The following IGF1R variants were observed in gnomAD, a reference collection of about 807,000 sequenced individuals.
IGF1R encodes the protein insulin like growth factor 1 receptor.
Under a neutral mutation model 144.6 loss-of-function variants are expected in IGF1R, and 44 were observed. That is an observed-to-expected ratio of 0.30 (90% CI 0.24 to 0.39). The LOEUF is 0.39. IGF1R is among the 10% of genes least tolerant of loss of function. The pLI, the probability that IGF1R is intolerant of heterozygous loss-of-function variation, is 1.00. For synonymous variants in IGF1R, 795 were observed against 722.8 expected (o/e 1.10, Z -1.60); for missense variants, 1,355 against 1,833.7 (o/e 0.74, Z 4.77).
At chr15:98,701,848 A>G (rs2053741108) in intron 1 of IGF1R, among the ~76,000 whole-genome samples, 1 of 152,216 alleles carries the variant, frequency 6.6e-6, no homozygotes, top group African/African-American at 2.4e-5. Flanking sequence ...ACTTAATAAC[A>G]GCTGCTAAAA....
At chr15:98,831,678 A>G (rs1480138955) in intron 2 of IGF1R, among the ~76,000 whole-genome samples, 1 of 152,240 alleles carries the variant, frequency 6.6e-6, no homozygotes, top group African/African-American at 2.4e-5. Flanking sequence ...TGATCCTTAA[A>G]TGCTTTATTT....
chr15:98,698,341 C>G (rs1377130987), intron 1 of IGF1R, among the ~76,000 whole-genome samples: 1 of 152,198 alleles, frequency 6.6e-6, no homozygotes, highest in Non-Finnish European at 1.5e-5. Flanking sequence ...CCACCGGCCT[C>G]CCATCTTAAC....
chr15:98,711,707 C>G lies in IGF1R; in HGVS notation c.640+3600C>G, dbSNP rs187141438. 4.5e-3 allele frequency among the ~76,000 whole-genome samples: 683 copies of G among 152,290 alleles called. 6 individuals are homozygous for G. Among genetic ancestry groups the G allele is most frequent in the African/African-American group, 0.014 (586 of 41,544 alleles). ...CCTCTTATGAGTCTCTTCCTACCCC[C>G]ACAGGTGCCGCTTCTCTGTCTCCCT... is the stretch of plus-strand genomic sequence containing the variant. On this transcript the variant is annotated intron_variant, in intron 2 of 20. Transcript: ENST00000650285.
intron 1 of IGF1R, among the ~76,000 whole-genome samples, chr15:98,702,152 A>G (rs139534391): frequency 6.6e-6 from 1 of 150,508 alleles, no homozygotes; most frequent in Non-Finnish European, 1.5e-5. Context: ...TTCTCAGCCA[A>G]ATGCTTTTCT....
intron 6 of IGF1R, 29 bp downstream of exon 6, chr15:98,908,928 G>T: frequency 6.3e-7 from 1 of 1,590,706 alleles, no homozygotes. Context: ...AACACCGTGG[G>T]CCCAACCATC....
At chr15:98,675,826 CTTTTTTTTT>C (rs869068918) in intron 1 of IGF1R, among the ~76,000 whole-genome samples, 2 of 46,150 alleles carry the variant, frequency 4.3e-5, no homozygotes, top group African/African-American at 4.8e-5. Flanking sequence ...TTCTTTCTTT[CTTTTTTTTT>C]TTTTTTTTTT....
chr15:98,867,160 A>G (rs773675187), intron 2 of IGF1R, among the ~76,000 whole-genome samples: 8 of 112,072 alleles, frequency 7.1e-5, no homozygotes, highest in Non-Finnish European at 1.4e-4. Context: ...AGGGGGAGAG[A>G]GAGAGAGAGA....
chr15:98,882,854 C>T (rs532201617), intron 2 of IGF1R, among the ~76,000 whole-genome samples: 9 of 152,276 alleles, frequency 5.9e-5, no homozygotes, highest in African/African-American at 2.2e-4. Context: ...AAAATGAGAG[C>T]TTTCAGGCCT....
At chr15:98,651,083 T>C (rs2052352346) in intron 1 of IGF1R, 2 of 984,780 alleles carry the variant, frequency 2.0e-6, no homozygotes, top group African/African-American at 3.5e-5. Flanking sequence ...GGCGTGTTGG[T>C]GAGTAATGGT....
chr15:98,707,349 G>C lies in IGF1R; in HGVS notation c.95-213G>C, dbSNP rs111262619. Among the ~76,000 whole-genome samples, 1 of 152,154 alleles carries C rather than the reference G, an allele frequency of 6.6e-6. No homozygotes were observed. Among genetic ancestry groups the C allele is most frequent in the African/African-American group, 2.4e-5 (1 of 41,422 alleles). On this transcript the variant is annotated intron_variant, in intron 1 of 20. Transcript: ENST00000650285. The surrounding 1 kb of genome is among the most constrained non-coding windows in gnomAD (Gnocchi z 6.7). ...GGTCGGTTGGAGTGTGTTGCACAGC[G>C]TCTGGTCCAGTGTTGGCACTGTATA...
Position 98,960,160 on chromosome 15 carries a change from C to T in IGF1R, c.*2718C>T, listed in dbSNP as rs533651741. ...GGCCGTTGATACTGGTAACCTCATC[C>T]ACGCCACAGGCGCCACACCCAGGTG... On this transcript the variant is annotated 3_prime_UTR_variant, in exon 21 of 21. Transcript: ENST00000650285. 39 of 233,738 alleles carry T rather than the reference C, an allele frequency of 1.7e-4. No individual in the cohort carries two copies. In the South Asian group the frequency reaches 5.8e-3, roughly 35 times the overall value. The allele number at this position is 233,738 out of a possible 1,614,324, so 14.5% of individuals were successfully genotyped here. A position where few individuals can be genotyped will look rare whatever the true frequency, so the allele number is the denominator to read the frequency against.
chr15:98,814,372 A>T lies in IGF1R; in HGVS notation c.641-76953A>T, dbSNP rs138708867. ...GATGGATGGATGGATGGATATAGCC[A>T]CAGGGTCTTGCTCTGTTGCCCAGGC... On this transcript the variant is annotated intron_variant, in intron 2 of 20. Transcript: ENST00000650285. Among the ~76,000 whole-genome samples the T allele has an allele frequency of 1.1e-3, 170 of 152,304 alleles. 2 individuals carry two copies. The highest frequency in any genetic ancestry group is 4.0e-3 in the African/African-American group (168 of 41,548).
chr15:98,764,706 C>G (rs988488109), intron 2 of IGF1R, among the ~76,000 whole-genome samples: 13 of 152,188 alleles, frequency 8.5e-5, no homozygotes, highest in African/African-American at 3.1e-4. Flanking sequence ...CTATTTCCAG[C>G]TCCACTGAGT....
chr15:98,736,270 C>T (rs750531233), intron 2 of IGF1R, among the ~76,000 whole-genome samples: 14 of 152,192 alleles, frequency 9.2e-5, no homozygotes, highest in Non-Finnish European at 1.2e-4. Context: ...ATTTTTAATG[C>T]ATCTCAGCAA....
chr15:98,925,625 G>A (rs772179336), intron 13 of IGF1R, among the ~76,000 whole-genome samples: 7 of 152,206 alleles, frequency 4.6e-5, no homozygotes, highest in African/African-American at 9.6e-5. Context: ...GCACTCCGCC[G>A]GGTGCAGTGG....
At chr15:98,899,450 C>T (rs763235471) in intron 4 of IGF1R, 27 bp from the exon 5 acceptor site, 2 of 1,612,784 alleles carry the variant, frequency 1.2e-6, no homozygotes, top group Non-Finnish European at 1.7e-6. Context: ...AGTGAGCACA[C>T]AGTGACACAA....
At chr15:98,762,823 C>T (rs1053958367) in intron 2 of IGF1R, among the ~76,000 whole-genome samples, 29 of 149,854 alleles carry the variant, frequency 1.9e-4, no homozygotes, top group African/African-American at 7.1e-4. Flanking sequence ...CGAGGCGGGC[C>T]GATCACAAGG....
Position 98,915,950 on chromosome 15 carries a change from G to A in IGF1R, c.1829-14G>A, listed in dbSNP as rs777927433. On this transcript the variant is annotated splice_polypyrimidine_tract_variant and intron_variant, in intron 8 of 20. Transcript: ENST00000650285. The stretch of plus-strand genomic sequence containing the variant: ...CATTTCATTTTCTAGAATGTTCTTT[G>A]TTCCCCTCTCCAGTTCCTTCCATTC... 11 of 1,613,168 alleles carry A rather than the reference G, an allele frequency of 6.8e-6. No individual in the cohort carries two copies. The highest frequency in any genetic ancestry group is 9.3e-6 in the Non-Finnish European group (11 of 1,179,180).
chr15:98,823,778 T>C (rs927697935), intron 2 of IGF1R, among the ~76,000 whole-genome samples: 2 of 152,166 alleles, frequency 1.3e-5, no homozygotes, highest in African/African-American at 4.8e-5. Context: ...CCACCCCCAT[T>C]TTCTGTTTGT....
Sources: gnomAD v4.1 joint callset for allele counts (sites outside exome capture counted in the v4.1 genomes callset) on GRCh38, gnomAD v4.1.1 for gene constraint, Gnocchi (gnomAD v3.1) non-coding constraint, MANE v1.5 for transcripts, NCBI Gene and HGNC (gene_info 2026-07-23, HGNC 2026-07-21) for gene names.